The following CENPW variants were observed in gnomAD, a reference collection of about 807,000 sequenced individuals.
The protein encoded by CENPW is centromere protein W.
A neutral mutation model predicts 11.1 loss-of-function variants in CENPW; 3 were observed. The ratio of observed to expected loss-of-function variants is 0.27; its 90% CI spans 0.12 to 0.70. CENPW has a LOEUF of 0.70. Ranked by LOEUF, CENPW falls within the 30% of genes least tolerant of loss-of-function variation. The pLI is 0.77. For synonymous variants in CENPW, 38 were observed against 42.0 expected, an observed-to-expected ratio of 0.91 and a Z score of 0.37; for missense variants, 100 against 105.6, an observed-to-expected ratio of 0.95 and a Z score of 0.23.
At chr6:126,402,308 T>C in the CENPW span, among the ~76,000 whole-genome samples, 1 of 151,430 alleles carries the variant, frequency 6.6e-6, no homozygotes, top group African/African-American at 2.4e-5. Context: ...TTCCTCTCCC[T>C]TCTCTCTCCT....
At chr6:126,479,936 C>T in the CENPW span, among the ~76,000 whole-genome samples, 1 of 151,808 alleles carries the variant, frequency 6.6e-6, no homozygotes, top group Admixed American at 6.6e-5. Context: ...TAACTGCTTA[C>T]ACAACCACTT....
At chr6:126,428,294 G>A in the CENPW span, among the ~76,000 whole-genome samples, 1 of 152,122 alleles carries the variant, frequency 6.6e-6, no homozygotes, top group African/African-American at 2.4e-5. Context: ...TAAAAATGCA[G>A]AAGTGTTTAA....
At chr6:126,359,589 A>C in the CENPW span, among the ~76,000 whole-genome samples, 1 of 152,082 alleles carries the variant, frequency 6.6e-6, no homozygotes, top group Non-Finnish European at 1.5e-5. Context: ...TTGTTTTTTG[A>C]ATCTGGGTGC....
chr6:126,377,208 T>C, the CENPW span, among the ~76,000 whole-genome samples: 1 of 152,152 alleles, frequency 6.6e-6, no homozygotes, highest in Non-Finnish European at 1.5e-5. Flanking sequence ...ACTGGAGTTA[T>C]ATAATTACAG....
chr6:126,456,408 C>T, the CENPW span, among the ~76,000 whole-genome samples: 1 of 151,476 alleles, frequency 6.6e-6, no homozygotes, highest in East Asian at 1.9e-4. Context: ...CACACGCTTA[C>T]ACCCATCTGA....
At chr6:126,396,846 G>A in the CENPW span, among the ~76,000 whole-genome samples, 1 of 151,952 alleles carries the variant, frequency 6.6e-6, no homozygotes, top group Non-Finnish European at 1.5e-5. Flanking sequence ...TAGAAATGTT[G>A]TTTTGGATCT....
the CENPW span, among the ~76,000 whole-genome samples, chr6:126,482,409 A>G: frequency 6.6e-6 from 1 of 151,946 alleles, no homozygotes; most frequent in African/African-American, 2.4e-5. Flanking sequence ...GGTAAGTGCT[A>G]TTTATATACT....
At chr6:126,404,986 T>G in the CENPW span, among the ~76,000 whole-genome samples, 1 of 152,186 alleles carries the variant, frequency 6.6e-6, no homozygotes, top group South Asian at 2.1e-4. Flanking sequence ...TTTCCTTTGC[T>G]GTGCAGAAAC....
At chr6:126,350,202 G>C (rs1251504400), downstream of CENPW, among the ~76,000 whole-genome samples, 17 of 152,062 alleles carry the variant, frequency 1.1e-4, no homozygotes, top group Admixed American at 1.1e-3. Flanking sequence ...GCAGCATTGT[G>C]GTTTTAATTT....
the CENPW span, among the ~76,000 whole-genome samples, chr6:126,463,265 G>A: frequency 6.6e-6 from 1 of 152,002 alleles, no homozygotes; most frequent in Non-Finnish European, 1.5e-5. Flanking sequence ...TATACCTAGA[G>A]GCAGGGAAGC....
chr6:126,384,221 A>T, the CENPW span, among the ~76,000 whole-genome samples: 2 of 152,172 alleles, frequency 1.3e-5, no homozygotes, highest in Non-Finnish European at 2.9e-5. Context: ...AAGATACAGC[A>T]TACCAGAATT....
downstream of CENPW, among the ~76,000 whole-genome samples, chr6:126,350,065 A>G (rs1371522886): frequency 6.6e-6 from 1 of 151,942 alleles, no homozygotes; most frequent in African/African-American, 2.4e-5. Flanking sequence ...TGGCCAAATG[A>G]TTTTCCAGGG....
the CENPW span, among the ~76,000 whole-genome samples, chr6:126,412,847 C>G: frequency 1.5e-4 from 23 of 152,098 alleles, no homozygotes; most frequent in African/African-American, 4.3e-4. Flanking sequence ...CTGTTGAGCC[C>G]CTCTAGTCAG....
At chr6:126,419,125 A>C in the CENPW span, among the ~76,000 whole-genome samples, 1 of 152,120 alleles carries the variant, frequency 6.6e-6, no homozygotes, top group Non-Finnish European at 1.5e-5. Context: ...ATTAGTAACC[A>C]ACAGCATGTG....
the CENPW span, among the ~76,000 whole-genome samples, chr6:126,472,624 T>G: frequency 6.6e-6 from 1 of 152,226 alleles, no homozygotes; most frequent in African/African-American, 2.4e-5. Context: ...TATGAGCACT[T>G]TGTATAGACA....
the CENPW span, among the ~76,000 whole-genome samples, chr6:126,358,298 ATAG>A: frequency 1.1e-4 from 16 of 152,152 alleles, no homozygotes; most frequent in African/African-American, 3.9e-4. Flanking sequence ...CTCAAGAGGA[ATAG>A]TTCCACCTTC....
At chr6:126,393,272 T>G in the CENPW span, among the ~76,000 whole-genome samples, 1 of 152,060 alleles carries the variant, frequency 6.6e-6, no homozygotes, top group African/African-American at 2.4e-5. Context: ...TTTTTTTGTT[T>G]TAATTTTATT....
the CENPW span, among the ~76,000 whole-genome samples, chr6:126,408,899 A>G: frequency 1.3e-5 from 2 of 151,794 alleles, no homozygotes; most frequent in African/African-American, 4.8e-5. Context: ...AATGTCGTTT[A>G]TGTTTTCAAA....
the CENPW span, among the ~76,000 whole-genome samples, chr6:126,385,490 A>G: frequency 6.6e-6 from 1 of 152,130 alleles, no homozygotes; most frequent in African/African-American, 2.4e-5. Context: ...CAAGGAATAA[A>G]TGAGGAAATA....
Sources: gnomAD v4.1 joint callset for allele counts (sites outside exome capture counted in the v4.1 genomes callset) on GRCh38, gnomAD v4.1.1 for gene constraint, MANE v1.5 for transcripts, NCBI Gene and HGNC (gene_info 2026-07-23, HGNC 2026-07-21) for gene names.